The following MYO9A variants were observed in gnomAD, a reference collection of about 807,000 sequenced individuals.
MYO9A encodes unconventional myosin-IXa.
In MYO9A, 103 loss-of-function variants were observed where a neutral mutation model predicts 293.3. The observed-to-expected ratio is 0.35, with a 90% CI of 0.30 to 0.41. MYO9A has a LOEUF of 0.41. MYO9A is among the 10% of genes least tolerant of loss of function. MYO9A has a pLI of 1.00. For missense variants in MYO9A, 2,685 were observed against 3,033.0 expected (o/e 0.89, Z 2.69); for synonymous variants, 1,001 against 1,035.7 (o/e 0.97, Z 0.64).
rs1479754839 is a variant in MYO9A, at chr15:72,083,581, T to C, written c.-72+34099A>G. Among the ~76,000 whole-genome samples the C allele has an allele frequency of 2.6e-5, 4 of 152,332 alleles. No homozygotes were observed. In the South Asian group the frequency reaches 6.2e-4, roughly 24 times the overall value. ...TGGTTTGCTCTTGGTTTTCTAGTTCTTTTAGTTGTGATATTAGGTTGTTAA... is the reference window on the plus strand; with the variant it reads ...TGGTTTGCTCTTGGTTTTCTAGTTCCTTTAGTTGTGATATTAGGTTGTTAA... On this transcript the variant is annotated intron_variant, in intron 1 of 41. Transcript: ENST00000356056.
intron 39 of MYO9A, among the ~76,000 whole-genome samples, chr15:71,840,221 G>C (rs568469742): frequency 2.6e-5 from 4 of 152,338 alleles, no homozygotes; most frequent in Admixed American, 6.5e-5. Flanking sequence ...TTTCACAAGA[G>C]GTTAATTCCT....
At chr15:71,906,408 G>C (rs1180361693) in intron 19 of MYO9A, among the ~76,000 whole-genome samples, 2 of 152,146 alleles carry the variant, frequency 1.3e-5, no homozygotes, top group Non-Finnish European at 2.9e-5. Flanking sequence ...GAGGTATGCT[G>C]AAGTTTCCAA....
Position 71,883,711 on chromosome 15 carries a change from A to G in MYO9A, c.5281T>C (p.Trp1761Arg). Reference protein sequence around the residue: ...IRPQRAKMRFWAKGKQGEKKT... With the variant: ...IRPQRAKMRFRAKGKQGEKKT... ...TTCTCCCCTTGTTTCCCTTTGGCCC[A>G]GAATCTCATCTTAGCTCTCTGAGGT... is the stretch of plus-strand genomic sequence containing the variant. Residue 1761 changes from tryptophan (W) to arginine (R), a missense_variant, in exon 28 of 42, where the codon TGG (tryptophan) becomes CGG (arginine). This residue lies in a region of MYO9A where 1,434 missense variants were observed against 1,497.7 expected (regional missense o/e 0.96). Transcript: ENST00000356056. 1.9e-6 allele frequency: 3 copies of G among 1,613,194 alleles called. No individual in the cohort carries two copies. Among genetic ancestry groups the G allele is most frequent in the Non-Finnish European group, 2.5e-6 (3 of 1,179,590 alleles).
At chr15:71,979,531 A>T (rs1596315723) in intron 11 of MYO9A, among the ~76,000 whole-genome samples, 1 of 152,186 alleles carries the variant, frequency 6.6e-6, no homozygotes, top group East Asian at 1.9e-4. Context: ...CACATAACAC[A>T]TACTCATTTT....
chr15:71,938,306 C>G (rs557491801), intron 16 of MYO9A, among the ~76,000 whole-genome samples: 6 of 151,216 alleles, frequency 4.0e-5, no homozygotes, highest in Non-Finnish European at 7.4e-5. Flanking sequence ...CAATGTTCTC[C>G]TCATACAAAT....
chr15:72,020,826 C>T, intron 5 of MYO9A, 92 bp downstream of exon 5: 3 of 670,876 alleles, frequency 4.5e-6, no homozygotes, highest in South Asian at 3.7e-5. Context: ...TAATCCATTC[C>T]TAGGTTTGAG....
At chr15:72,101,721 C>A (rs1327646824) in intron 1 of MYO9A, among the ~76,000 whole-genome samples, 3 of 142,086 alleles carry the variant, frequency 2.1e-5, no homozygotes, top group African/African-American at 7.8e-5. Flanking sequence ...GGCCAGCCGC[C>A]CCGTCTGGGA....
intron 16 of MYO9A, among the ~76,000 whole-genome samples, chr15:71,938,320 A>T (rs1245066760): frequency 7.2e-6 from 1 of 139,238 alleles, no homozygotes; most frequent in Non-Finnish European, 1.6e-5. Flanking sequence ...TACAAATTAC[A>T]ATCTTTATTA....
Position 71,850,088 on chromosome 15 carries a change from G to A in MYO9A, c.6661C>T (p.Pro2221Ser). The A allele has an allele frequency of 6.2e-7, 1 of 1,614,002 alleles. No homozygotes were observed. The highest frequency in any genetic ancestry group is 8.5e-7 in the Non-Finnish European group (1 of 1,179,950). Residue 2221 changes from proline (P) to serine (S), a missense_variant, in exon 38 of 42, where the codon CCT becomes TCT. Pro to Ser is a moderately conservative substitution (Grantham distance 74, BLOSUM62 -1). Transcript: ENST00000356056. The stretch of plus-strand genomic sequence containing the variant: ...CTTTGTAGTGGGTCAGTGGTGTCAG[G>A]GCAGCGGAGAATGCAGGGCGCAAAC... ...IVFAPCILRC[P>S]DTTDPLQSVQ...
intron 12 of MYO9A, among the ~76,000 whole-genome samples, chr15:71,976,145 C>G (rs1288135415): frequency 1.3e-5 from 2 of 152,116 alleles, no homozygotes; most frequent in Non-Finnish European, 2.9e-5. Flanking sequence ...GGATCTGATA[C>G]TACCTCCAGG....
At chr15:71,987,488 A>G (rs1224799544) in intron 11 of MYO9A, among the ~76,000 whole-genome samples, 1 of 152,192 alleles carries the variant, frequency 6.6e-6, no homozygotes, top group Non-Finnish European at 1.5e-5. Flanking sequence ...TTGACAATCT[A>G]GTGAGCTTCA....
At position 72,093,911 on chromosome 15, in the gene MYO9A, C is replaced by T. The variant is rs1428343189; in HGVS notation, c.-72+23769G>A. On this transcript the variant is annotated intron_variant, in intron 1 of 41. Coordinates refer to ENST00000356056, the MANE Select transcript of MYO9A (RefSeq NM_006901.4). ...CAAAAAAATTAAATAAAAAAAACCACACAAATAAAAAATAAAATAAAATCA... is the reference window on the plus strand; with the variant it reads ...CAAAAAAATTAAATAAAAAAAACCATACAAATAAAAAATAAAATAAAATCA... Among the ~76,000 whole-genome samples the T allele has an allele frequency of 4.5e-5, 4 of 88,194 alleles. 2 individuals carry two copies. 57.9% of individuals were successfully genotyped at this position (88,194 alleles called of 152,430 possible).
At chr15:71,958,670 T>C (rs895396949) in intron 14 of MYO9A, 1 of 152,184 alleles carries the variant, frequency 6.6e-6, no homozygotes, top group South Asian at 2.1e-4. Context: ...TGTATATGCA[T>C]GTTATGTTGA....
chr15:72,072,849 C>T (rs542447665), intron 1 of MYO9A, among the ~76,000 whole-genome samples: 1 of 152,126 alleles, frequency 6.6e-6, no homozygotes, highest in South Asian at 2.1e-4. Flanking sequence ...CAGCGCTACA[C>T]AATATACCCT....
At chr15:71,915,736 T>C (rs1376868922) in intron 19 of MYO9A, among the ~76,000 whole-genome samples, 1 of 152,140 alleles carries the variant, frequency 6.6e-6, no homozygotes, top group Admixed American at 6.5e-5. Flanking sequence ...TGAAATAGGG[T>C]AAAATTATGC....
At chr15:72,117,596 G>A (rs2151284287) in intron 1 of MYO9A, 84 bp downstream of exon 1, 1 of 388,592 alleles carries the variant, frequency 2.6e-6, no homozygotes, top group East Asian at 3.6e-5. Flanking sequence ...ACGGGGCGGG[G>A]CGGCCCGACC....
intron 1 of MYO9A, among the ~76,000 whole-genome samples, chr15:72,099,374 A>G (rs1193105114): frequency 7.6e-6 from 1 of 131,548 alleles, no homozygotes; most frequent in Non-Finnish European, 1.6e-5. Flanking sequence ...TGGGAGGCAG[A>G]GGTTGGCAAT....
chr15:72,021,665 C>T (rs553757913), intron 4 of MYO9A, among the ~76,000 whole-genome samples: 44 of 152,108 alleles, frequency 2.9e-4, no homozygotes, highest in Non-Finnish European at 5.6e-4. Flanking sequence ...CTGAGGCAAT[C>T]GCTGAACAGC....
At chr15:71,836,153 T>C (rs1209623484) in intron 39 of MYO9A, among the ~76,000 whole-genome samples, 1 of 152,012 alleles carries the variant, frequency 6.6e-6, no homozygotes, top group East Asian at 1.9e-4. Context: ...GTATCTGGAA[T>C]TCATAAAGAA....
Sources: gnomAD v4.1 joint callset for allele counts (sites outside exome capture counted in the v4.1 genomes callset) on GRCh38, gnomAD v4.1.1 for gene constraint, gnomAD v4.1.1 regional missense constraint, MANE v1.5 for transcripts, NCBI Gene and HGNC (gene_info 2026-07-23, HGNC 2026-07-21) for gene names.